Variants in SGCD observed in about 807,000 individuals in gnomAD.
The protein encoded by SGCD is sarcoglycan delta.
In SGCD, 18 loss-of-function variants were observed where a neutral mutation model predicts 36.6. The observed-to-expected ratio is 0.49, with a 90% CI of 0.34 to 0.73. The LOEUF (loss-of-function observed/expected upper bound fraction) is 0.73, where lower values mean the gene tolerates loss of function less well. Among genes scored for constraint, SGCD ranks in the 30% least tolerant of loss-of-function variants. The probability of loss-of-function intolerance (pLI) is 0.01; values close to 1 mark genes in which losing one functional copy is unlikely to be tolerated. For missense variants in SGCD, 387 were observed against 346.7 expected (o/e 1.12, Z -0.92); for synonymous variants, 133 against 130.6 (o/e 1.02, Z -0.12).
chr5:156,641,702 C>G (rs1228433082), intron 6 of SGCD, among the ~76,000 whole-genome samples: 1 of 152,208 alleles, frequency 6.6e-6, no homozygotes. Flanking sequence ...AATCACTTGG[C>G]TTTGACTGTC....
chr5:156,585,815 A>G (rs1228504661), intron 4 of SGCD, among the ~76,000 whole-genome samples: 1 of 152,166 alleles, frequency 6.6e-6, no homozygotes, highest in Non-Finnish European at 1.5e-5. Flanking sequence ...TCTTTCTGAA[A>G]CTCAAGATCT....
chr5:156,649,907 A>AT (rs1561837602), intron 7 of SGCD, among the ~76,000 whole-genome samples: 1 of 152,048 alleles, frequency 6.6e-6, no homozygotes, highest in African/African-American at 2.4e-5. Context: ...CAGTACAGAT[A>AT]TTTTTTCTAT....
intron 1 of SGCD, among the ~76,000 whole-genome samples, chr5:155,966,071 A>C (rs1757897664): frequency 6.6e-6 from 1 of 152,110 alleles, no homozygotes; most frequent in African/African-American, 2.4e-5. Flanking sequence ...GAACCTCTTA[A>C]AATAGAATGC....
chr5:156,142,586 T>A (rs550277251), intron 3 of SGCD, among the ~76,000 whole-genome samples: 1 of 152,240 alleles, frequency 6.6e-6, no homozygotes, highest in Admixed American at 6.5e-5. Flanking sequence ...CAGATAGAAA[T>A]GAGGAACTTT....
At chr5:156,421,834 A>AG (rs1773324756) in intron 3 of SGCD, among the ~76,000 whole-genome samples, 1 of 152,056 alleles carries the variant, frequency 6.6e-6, no homozygotes, top group South Asian at 2.1e-4. Context: ...TTTAGGGATA[A>AG]GTCCTAATAC....
intron 3 of SGCD, among the ~76,000 whole-genome samples, chr5:156,159,767 A>G (rs1763047467): frequency 1.3e-5 from 2 of 151,654 alleles, no homozygotes; most frequent in Admixed American, 6.6e-5. Context: ...TTTTTCTTAC[A>G]TAATTGAAAT....
chr5:156,073,250 A>T (rs1026330169), intron 1 of SGCD, among the ~76,000 whole-genome samples: 1 of 151,874 alleles, frequency 6.6e-6, no homozygotes, highest in African/African-American at 2.4e-5. Flanking sequence ...ATCTTACCTG[A>T]TTTCCCCTCT....
chr5:156,091,520 C>T (rs180818539), intron 1 of SGCD, among the ~76,000 whole-genome samples: 3 of 152,322 alleles, frequency 2.0e-5, no homozygotes, highest in African/African-American at 7.2e-5. Context: ...GTGTTTTCCA[C>T]CTTCCATGAA....
chr5:156,573,387 TG>T (rs2113298255), intron 4 of SGCD, among the ~76,000 whole-genome samples: 1 of 152,350 alleles, frequency 6.6e-6, no homozygotes. Flanking sequence ...CCCTCATTTT[TG>T]CCTGCCCTTC....
At position 156,513,953 on chromosome 5, in the gene SGCD, G is replaced by T. The variant is rs182449102; in HGVS notation, c.294+5251G>T. On this transcript the variant is annotated intron_variant, in intron 4 of 8. Coordinates refer to ENST00000337851, the MANE Select transcript of SGCD (RefSeq NM_000337.6). ...CATTCAACCATGACATCCAAAGGCAGAATGTCTTAGAAATACCACTTGAAT... is the reference window on the plus strand; with the variant it reads ...CATTCAACCATGACATCCAAAGGCATAATGTCTTAGAAATACCACTTGAAT... 7.8e-4 allele frequency among the ~76,000 whole-genome samples: 119 copies of T among 152,306 alleles called. 1 individual carries two copies. The highest frequency in any genetic ancestry group is 2.7e-3 in the African/African-American group (112 of 41,570).
chr5:156,038,407 GA>G (rs140235000), intron 1 of SGCD, among the ~76,000 whole-genome samples: 19,380 of 151,786 alleles, frequency 0.13, 1,534 homozygotes, highest in Admixed American at 0.21. Flanking sequence ...AATGACATCT[GA>G]AAAAAAGTCT....
intron 7 of SGCD, among the ~76,000 whole-genome samples, chr5:156,738,975 A>G (rs1392281674): frequency 6.6e-6 from 1 of 152,214 alleles, no homozygotes; most frequent in Non-Finnish European, 1.5e-5. Context: ...AATATCCTAC[A>G]TTCCCTTCTA....
chr5:156,076,934 G>C (rs1003310768), intron 1 of SGCD, among the ~76,000 whole-genome samples: 6 of 152,102 alleles, frequency 3.9e-5, no homozygotes, highest in Non-Finnish European at 8.8e-5. Context: ...GTTCACCATG[G>C]CCTTAAGATT....
intron 3 of SGCD, among the ~76,000 whole-genome samples, chr5:156,501,113 C>T (rs1225391717): frequency 1.3e-5 from 2 of 152,218 alleles, no homozygotes; most frequent in African/African-American, 4.8e-5. Flanking sequence ...TTAACCCCTC[C>T]TCGGGACACT....
chr5:156,341,787 TGCAACCTCC>T (rs951097353), intron 2 of SGCD, among the ~76,000 whole-genome samples: 3 of 152,252 alleles, frequency 2.0e-5, no homozygotes, highest in Admixed American at 1.3e-4. Flanking sequence ...CTTGGCTCAC[TGCAACCTCC>T]GCCTCCCGGG....
In SGCD at chr5:156,138,642, C is replaced by T. The variant is rs1281023904; in HGVS notation, c.-44+14623C>T. Reference sequence around the variant, plus strand: ...TCCCATTTGGGAATAATAAGAATTACACTATTAGAAACATTTGTGAGCATG... The same window carrying T: ...TCCCATTTGGGAATAATAAGAATTATACTATTAGAAACATTTGTGAGCATG... On this transcript the variant is annotated intron_variant, in intron 3 of 9. Coordinates refer to the SGCD transcript ENST00000517913. Among the ~76,000 whole-genome samples the T allele has an allele frequency of 4.6e-5, 7 of 152,168 alleles. No homozygotes were observed. The East Asian group carries it at 1.2e-3, about 25-fold the overall frequency.
rs564274879 is a variant in SGCD, at chr5:155,916,892, T to C, written c.-282+46468T>C. Reference sequence around the variant, plus strand: ...TGTGCATTCCAGACCCAATGAGAGATGAGGCCTGAGATGAAGCCATTTGCC... The same window carrying C: ...TGTGCATTCCAGACCCAATGAGAGACGAGGCCTGAGATGAAGCCATTTGCC... On this transcript the variant is annotated intron_variant, in intron 1 of 9. Transcript: ENST00000517913. Among the ~76,000 whole-genome samples, 5 of 152,278 alleles carry C rather than the reference T, an allele frequency of 3.3e-5. No individual in the cohort carries two copies. The South Asian group carries it at 1.0e-3, about 32-fold the overall frequency.
intron 3 of SGCD, among the ~76,000 whole-genome samples, chr5:156,136,589 G>A (rs1357453020): frequency 1.3e-5 from 2 of 152,184 alleles, no homozygotes; most frequent in Non-Finnish European, 2.9e-5. Context: ...ACCCTCAATA[G>A]TTTATGATTT....
chr5:156,349,523 G>A (rs1769124185), intron 3 of SGCD, among the ~76,000 whole-genome samples: 1 of 151,914 alleles, frequency 6.6e-6, no homozygotes, highest in Non-Finnish European at 1.5e-5. Flanking sequence ...TTAGAGAAAT[G>A]CAAATTAAAA....
Sources: allele counts gnomAD v4.1 joint callset (sites outside exome capture counted in the v4.1 genomes callset), GRCh38; gene constraint gnomAD v4.1.1; transcripts MANE v1.5; gene names NCBI Gene and HGNC (gene_info 2026-07-23, HGNC 2026-07-21).